SH3RF1: variants seen among roughly 807,000 people sequenced by gnomAD.
SH3RF1 encodes E3 ubiquitin-protein ligase SH3RF1.
SH3RF1 carries 32 observed loss-of-function variants against 74.0 expected under a neutral mutation model. The observed-to-expected ratio is 0.43, with a 90% CI of 0.33 to 0.58. SH3RF1 has a LOEUF of 0.58. SH3RF1 is among the 20% of genes least tolerant of loss of function. SH3RF1 has a pLI of 0.05. For synonymous variants in SH3RF1, 396 were observed against 439.6 expected (o/e 0.90, Z 1.24); for missense variants, 954 against 1,130.9 (o/e 0.84, Z 2.24).
At chr4:169,208,698 G>C (rs1331535435) in intron 2 of SH3RF1, among the ~76,000 whole-genome samples, 2 of 151,980 alleles carry the variant, frequency 1.3e-5, no homozygotes, top group Non-Finnish European at 2.9e-5. Context: ...CATCAGGCTT[G>C]GCATCAAACA....
At chr4:169,152,662 G>A (rs149211653) in intron 4 of SH3RF1, among the ~76,000 whole-genome samples, 7 of 152,078 alleles carry the variant, frequency 4.6e-5, no homozygotes, top group East Asian at 1.9e-4. Flanking sequence ...GCTTGAACCC[G>A]GAAGGCAGAG....
intron 2 of SH3RF1, among the ~76,000 whole-genome samples, chr4:169,200,582 A>C (rs1734892150): frequency 6.6e-6 from 1 of 152,214 alleles, no homozygotes; most frequent in Non-Finnish European, 1.5e-5. Flanking sequence ...GAGGAAAAAA[A>C]CAAGTTTCAT....
At chr4:169,202,096 A>T (rs1579134492) in intron 2 of SH3RF1, among the ~76,000 whole-genome samples, 1 of 152,162 alleles carries the variant, frequency 6.6e-6, no homozygotes, top group East Asian at 1.9e-4. Flanking sequence ...AAAAAAAAAA[A>T]ATCTCACTCC....
chr4:169,103,311 G>A (rs1733073840), intron 11 of SH3RF1, among the ~76,000 whole-genome samples: 1 of 151,990 alleles, frequency 6.6e-6, no homozygotes, highest in Admixed American at 6.6e-5. Context: ...ATTATAATCT[G>A]TAGATGAATC....
At chr4:169,203,423 C>G (rs546345950) in intron 2 of SH3RF1, among the ~76,000 whole-genome samples, 1 of 151,790 alleles carries the variant, frequency 6.6e-6, no homozygotes, top group Non-Finnish European at 1.5e-5. Flanking sequence ...CGGTGGTGTG[C>G]GCCTGTAATC....
At chr4:169,152,278 C>A (rs550981724) in intron 4 of SH3RF1, among the ~76,000 whole-genome samples, 17 of 152,124 alleles carry the variant, frequency 1.1e-4, no homozygotes, top group African/African-American at 2.9e-4. Context: ...GCAAGAGAAC[C>A]CTTACCCTTA....
At chr4:169,101,780 G>C (rs1161434680) in intron 11 of SH3RF1, among the ~76,000 whole-genome samples, 1 of 151,898 alleles carries the variant, frequency 6.6e-6, no homozygotes, top group African/African-American at 2.4e-5. Context: ...GCATTATGGG[G>C]TGACCAGAGT....
chr4:169,158,149 T>C (rs1734091101), intron 2 of SH3RF1, among the ~76,000 whole-genome samples: 1 of 152,238 alleles, frequency 6.6e-6, no homozygotes. Flanking sequence ...GTGTAATAAA[T>C]GTAATGATAA....
chr4:169,217,005 AAAAAAAAAC>A (rs1377951334), intron 2 of SH3RF1, among the ~76,000 whole-genome samples: 1 of 133,012 alleles, frequency 7.5e-6, no homozygotes, highest in Admixed American at 7.9e-5. Flanking sequence ...ACAAAAAAAA[AAAAAAAAAC>A]CAGCCAGGTG....
intron 5 of SH3RF1, among the ~76,000 whole-genome samples, chr4:169,134,201 T>C (rs150383980): frequency 8.9e-4 from 136 of 152,178 alleles, no homozygotes; most frequent in African/African-American, 3.2e-3. Flanking sequence ...CAGAACAAAC[T>C]GGAATATGGA....
intron 2 of SH3RF1, among the ~76,000 whole-genome samples, chr4:169,197,595 G>A (rs1734835398): frequency 7.1e-6 from 1 of 140,900 alleles, no homozygotes; most frequent in Non-Finnish European, 1.5e-5. Flanking sequence ...CTGTACTCCA[G>A]CCTGGGCGAC....
intron 2 of SH3RF1, among the ~76,000 whole-genome samples, chr4:169,235,491 C>T (rs892584372): frequency 1.3e-5 from 2 of 152,098 alleles, no homozygotes; most frequent in African/African-American, 2.4e-5. Flanking sequence ...CCAACTGAAG[C>T]ACAGAACGGT....
At chr4:169,243,499 C>A (rs1730947525) in intron 2 of SH3RF1, among the ~76,000 whole-genome samples, 1 of 152,120 alleles carries the variant, frequency 6.6e-6, no homozygotes, top group Admixed American at 6.5e-5. Flanking sequence ...GGCGACAGAA[C>A]AAGATTCCTT....
At chr4:169,154,307 A>T (rs1490113378) in intron 4 of SH3RF1, among the ~76,000 whole-genome samples, 1 of 152,196 alleles carries the variant, frequency 6.6e-6, no homozygotes, top group East Asian at 1.9e-4. Flanking sequence ...TTTCCCATGG[A>T]TATACAGTAG....
chr4:169,233,877 T>A (rs1579154175), intron 2 of SH3RF1, among the ~76,000 whole-genome samples: 2 of 152,298 alleles, frequency 1.3e-5, no homozygotes, highest in Admixed American at 6.5e-5. Flanking sequence ...CCCCCACGAT[T>A]TCTCTATTTC....
In SH3RF1 at chr4:169,155,553, C is replaced by T. The variant is rs760370770; in HGVS notation, c.692G>A (p.Arg231Gln). Residue 231 changes from arginine to glutamine, a missense_variant, in exon 4 of 12, where the codon CGA (arginine) becomes CAA (glutamine). Transcript: ENST00000284637. ...TTCAGCCCAGTTTTCATCCACTCTT[C>T]GGATCACAGTCAGAACATCATCCTG... ...FAKDDVLTVI[R>Q]RVDENWAEGM... 2.1e-5 allele frequency: 34 copies of T among 1,613,322 alleles called. No individual in the cohort carries two copies. Among genetic ancestry groups the T allele is most frequent in the East Asian group, 4.5e-5 (2 of 44,866 alleles).
intron 4 of SH3RF1, among the ~76,000 whole-genome samples, chr4:169,146,010 AT>A (rs1379199066): frequency 7.1e-6 from 1 of 140,910 alleles, no homozygotes; most frequent in African/African-American, 2.6e-5. Context: ...TATTCTATAT[AT>A]TCTATATAAA....
intron 2 of SH3RF1, among the ~76,000 whole-genome samples, chr4:169,182,963 C>G (rs1044130248): frequency 6.6e-6 from 1 of 152,060 alleles, no homozygotes; most frequent in African/African-American, 2.4e-5. Flanking sequence ...GGAAGGACTG[C>G]TTGAGGCTAG....
At chr4:169,192,874 CAT>C (rs1172143488) in intron 2 of SH3RF1, among the ~76,000 whole-genome samples, 8 of 143,650 alleles carry the variant, frequency 5.6e-5, no homozygotes, top group African/African-American at 1.8e-4. Flanking sequence ...ATATATATAT[CAT>C]ATATATGTGA....
Sources: allele counts gnomAD v4.1 joint callset (sites outside exome capture counted in the v4.1 genomes callset), GRCh38; gene constraint gnomAD v4.1.1; transcripts MANE v1.5; gene names NCBI Gene and HGNC (gene_info 2026-07-23, HGNC 2026-07-21).